Variants in AKAP6 observed in about 807,000 individuals in gnomAD.
AKAP6 encodes the protein A-kinase anchoring protein 6, also known as A-kinase anchor protein 6.
A neutral mutation model predicts 188.5 loss-of-function variants in AKAP6; 58 were observed. That is an observed-to-expected ratio of 0.31 (90% CI 0.25 to 0.38). AKAP6 has a LOEUF of 0.38. Among genes scored for constraint, AKAP6 ranks in the 10% least tolerant of loss-of-function variants. The pLI, the probability that AKAP6 is intolerant of heterozygous loss-of-function variation, is 1.00. For synonymous variants in AKAP6, 989 were observed against 998.6 expected (o/e 0.99, Z 0.18); for missense variants, 2,710 against 2,740.0 (o/e 0.99, Z 0.24).
At chr14:32,695,411 A>G (rs1173832298) in intron 8 of AKAP6, among the ~76,000 whole-genome samples, 2 of 152,232 alleles carry the variant, frequency 1.3e-5, no homozygotes, top group African/African-American at 2.4e-5. Flanking sequence ...TAAATGATTG[A>G]GTGATGTCCC....
intron 1 of AKAP6, among the ~76,000 whole-genome samples, chr14:32,357,257 G>A (rs1285576402): frequency 6.6e-6 from 1 of 152,130 alleles, no homozygotes; most frequent in East Asian, 1.9e-4. Context: ...CAAAATTTTA[G>A]TCTTACCATG....
At chr14:32,340,667 T>C (rs757507341) in intron 1 of AKAP6, among the ~76,000 whole-genome samples, 3 of 152,214 alleles carry the variant, frequency 2.0e-5, no homozygotes, top group Non-Finnish European at 4.4e-5. Context: ...TCTTAGTTCA[T>C]TTGGAGTGCT....
intron 2 of AKAP6, among the ~76,000 whole-genome samples, chr14:32,517,954 C>T (rs1232490053): frequency 6.6e-6 from 1 of 152,136 alleles, no homozygotes; most frequent in Non-Finnish European, 1.5e-5. Context: ...CAGAAGGGGC[C>T]GACTGACACC....
intron 9 of AKAP6, among the ~76,000 whole-genome samples, chr14:32,700,897 T>C (rs1329722002): frequency 1.3e-5 from 2 of 152,294 alleles, no homozygotes; most frequent in East Asian, 3.9e-4. Flanking sequence ...TTAAGCAACA[T>C]GATTTGTACA....
intron 11 of AKAP6, among the ~76,000 whole-genome samples, chr14:32,772,771 T>C (rs1323828479): frequency 6.6e-6 from 1 of 152,256 alleles, no homozygotes; most frequent in Non-Finnish European, 1.5e-5. Flanking sequence ...TAATAAGCAC[T>C]CTGTTAACTG....
At chr14:32,561,005 A>C (rs1883934084) in intron 4 of AKAP6, among the ~76,000 whole-genome samples, 1 of 152,180 alleles carries the variant, frequency 6.6e-6, no homozygotes, top group Non-Finnish European at 1.5e-5. Flanking sequence ...CATTTTATAA[A>C]TTAGAAGAGA....
At chr14:32,770,396 AT>A (rs2139981685) in intron 11 of AKAP6, among the ~76,000 whole-genome samples, 1 of 152,316 alleles carries the variant, frequency 6.6e-6, no homozygotes, top group South Asian at 2.1e-4. Context: ...TTCTTTTTAA[AT>A]TTTGTTTCCC....
intron 7 of AKAP6, among the ~76,000 whole-genome samples, chr14:32,642,312 T>C (rs1212018878): frequency 6.6e-6 from 1 of 152,202 alleles, no homozygotes; most frequent in African/African-American, 2.4e-5. Context: ...TTGCATTCAA[T>C]AATAGGCTTG....
intron 4 of AKAP6, among the ~76,000 whole-genome samples, chr14:32,571,472 G>A (rs139144699): frequency 1.5e-3 from 224 of 152,282 alleles, no homozygotes; most frequent in Middle Eastern, 6.8e-3. Flanking sequence ...GGAGGCTGCA[G>A]TGATCTATGA....
chr14:32,552,768 G>C (rs1322454151), intron 4 of AKAP6, among the ~76,000 whole-genome samples: 1 of 152,134 alleles, frequency 6.6e-6, no homozygotes, highest in Non-Finnish European at 1.5e-5. Flanking sequence ...AGGCAGAAGT[G>C]GCAAGAGAGA....
At chr14:32,389,240 GT>G (rs1333676886) in intron 1 of AKAP6, among the ~76,000 whole-genome samples, 11 of 152,060 alleles carry the variant, frequency 7.2e-5, no homozygotes, top group African/African-American at 2.7e-4. Context: ...GTCCTTATGT[GT>G]TAGGTGAGTC....
chr14:32,650,339 G>A (rs976822657), intron 7 of AKAP6, among the ~76,000 whole-genome samples: 1 of 152,136 alleles, frequency 6.6e-6, no homozygotes, highest in Non-Finnish European at 1.5e-5. Flanking sequence ...ACAGCCGGGC[G>A]CAGTGTCTCA....
intron 1 of AKAP6, among the ~76,000 whole-genome samples, chr14:32,389,165 A>C (rs779301556): frequency 2.6e-5 from 4 of 152,036 alleles, no homozygotes; most frequent in Non-Finnish European, 5.9e-5. Flanking sequence ...AGCTACTCCT[A>C]CTTGCTTTTG....
At chr14:32,627,558 TCA>T (rs1887075220) in intron 7 of AKAP6, among the ~76,000 whole-genome samples, 1 of 152,126 alleles carries the variant, frequency 6.6e-6, no homozygotes, top group African/African-American at 2.4e-5. Context: ...TGAGAATTTC[TCA>T]GTCTTCTCAG....
intron 7 of AKAP6, among the ~76,000 whole-genome samples, chr14:32,669,316 C>G (rs998270518): frequency 3.9e-5 from 6 of 152,156 alleles, no homozygotes; most frequent in Admixed American, 3.3e-4. Flanking sequence ...CCATGCAGGA[C>G]TAGAAGAACA....
intron 11 of AKAP6, among the ~76,000 whole-genome samples, chr14:32,750,810 T>A (rs1189000541): frequency 6.7e-6 from 1 of 150,024 alleles, no homozygotes; most frequent in Non-Finnish European, 1.5e-5. Context: ...TGGTGTGATC[T>A]CGGCTCACTG....
intron 2 of AKAP6, among the ~76,000 whole-genome samples, chr14:32,509,810 C>T (rs1881081715): frequency 6.6e-6 from 1 of 152,126 alleles, no homozygotes; most frequent in South Asian, 2.1e-4. Flanking sequence ...TAGAGTCCTG[C>T]TGGGACTCTG....
At chr14:32,476,791 A>G (rs1433807336) in intron 2 of AKAP6, among the ~76,000 whole-genome samples, 1 of 152,218 alleles carries the variant, frequency 6.6e-6, no homozygotes, top group African/African-American at 2.4e-5. Flanking sequence ...ATGCCAAGCA[A>G]GGAGAATCAG....
chr14:32,654,726 G>A (rs1253036158), intron 7 of AKAP6, among the ~76,000 whole-genome samples: 1 of 151,706 alleles, frequency 6.6e-6, no homozygotes, highest in Non-Finnish European at 1.5e-5. Context: ...GCACATGCTT[G>A]TGGTCCCAGC....
Sources: allele counts gnomAD v4.1 joint callset (sites outside exome capture counted in the v4.1 genomes callset), GRCh38; gene constraint gnomAD v4.1.1; transcripts MANE v1.5; gene names NCBI Gene and HGNC (gene_info 2026-07-23, HGNC 2026-07-21).